ASPSCR1: variants seen among roughly 807,000 people sequenced by gnomAD.
ASPSCR1 encodes the protein ASPSCR1 tether for SLC2A4, UBX domain containing.
ASPSCR1 carries 55 observed loss-of-function variants against 68.9 expected under a neutral mutation model. That is an observed-to-expected ratio of 0.80 (90% confidence interval 0.64 to 1.00). ASPSCR1 has a LOEUF of 1.00. ASPSCR1 is among the 50% of genes least tolerant of loss of function. ASPSCR1 has a pLI of 0.00. For synonymous variants in ASPSCR1, 352 were observed against 332.6 expected (o/e 1.06, Z -0.63); for missense variants, 765 against 762.2 (o/e 1.00, Z -0.04).
At chr17:82,010,051 A>G in intron 9 of ASPSCR1, 2 of 337,574 alleles carry the variant, frequency 5.9e-6, no homozygotes, top group Non-Finnish European at 1.2e-5. Flanking sequence ...CTGGGATTTC[A>G]GGTACCCGCT....
At chr17:82,013,174 G>C (rs1025786766) in intron 12 of ASPSCR1, 3 of 152,222 alleles carry the variant, frequency 2.0e-5, no homozygotes, top group Non-Finnish European at 4.4e-5. Flanking sequence ...AGGCAGGGGA[G>C]GGGTGAGACA....
Position 81,986,462 on chromosome 17 carries a change from G to A in ASPSCR1, c.374+855G>A, listed in dbSNP as rs2041997311. Among the ~76,000 whole-genome samples the A allele has an allele frequency of 1.3e-5, 2 of 152,184 alleles. No individual in the cohort carries two copies. Among genetic ancestry groups the A allele is most frequent in the African/African-American group, 2.4e-5 (1 of 41,446 alleles). On this transcript the variant is annotated intron_variant, in intron 4 of 15. Transcript: ENST00000306739. The surrounding 1 kb of genome is among the most constrained non-coding windows in gnomAD (Gnocchi z 5.2). Reference sequence around the variant, plus strand: ...AAATAAATAAAAATAAGTAATTGATGTGTATCAGTTTCTGTCGGTTAATGG... The same window carrying A: ...AAATAAATAAAAATAAGTAATTGATATGTATCAGTTTCTGTCGGTTAATGG...
In ASPSCR1 at chr17:81,996,826, C is replaced by A; in HGVS notation, c.913C>A (p.Gln305Lys). 1 of 1,601,932 alleles carries A rather than the reference C, an allele frequency of 6.2e-7. No homozygotes were observed. Among genetic ancestry groups the A allele is most frequent in the Non-Finnish European group, 8.5e-7 (1 of 1,175,494 alleles). The change falls in exon 7 of 16, where the codon CAG becomes AAG. Residue 305 changes from glutamine (Q) to lysine (K), a missense_variant. By Grantham distance (53) the Gln-to-Lys change is moderately conservative. Coordinates refer to ENST00000306739, the MANE Select transcript of ASPSCR1 (RefSeq NM_024083.4). ...QEQERERDPQ[Q>K]EQERERPVDR... ...GCAGGAGCGGGAGCGGGATCCCCAG[C>A]AGGAGCAGGAGCGGGAGCGGGTAAA...
At chr17:81,979,137 C>A in intron 1 of ASPSCR1, 47 bp from the exon 2 acceptor site, 2 of 1,606,888 alleles carry the variant, frequency 1.2e-6, no homozygotes, top group Non-Finnish European at 1.7e-6. Flanking sequence ...CTGCGCCCGC[C>A]AGCCCTGCAC....
intron 12 of ASPSCR1, chr17:82,015,441 C>T (rs1241501858): frequency 4.8e-6 from 7 of 1,469,420 alleles, no homozygotes; most frequent in Non-Finnish European, 6.3e-6. Flanking sequence ...AGCCTACTTC[C>T]CTCTCCTGGT....
At chr17:82,012,069 C>G in intron 11 of ASPSCR1, 162 bp from the exon 12 acceptor site, 2 of 891,398 alleles carry the variant, frequency 2.2e-6, no homozygotes, top group South Asian at 2.8e-5. Flanking sequence ...GAGCCCTCAG[C>G]TGGAGTTTCT....
At chr17:82,011,440 C>A in intron 10 of ASPSCR1, 103 bp from the exon 11 acceptor site, 2 of 1,141,790 alleles carry the variant, frequency 1.8e-6, no homozygotes, top group Admixed American at 2.6e-5. Flanking sequence ...TCCCACCCCT[C>A]GGGGAAAGGC....
intron 12 of ASPSCR1, chr17:82,014,599 C>T (rs2043058717): frequency 5.8e-6 from 1 of 171,744 alleles, no homozygotes; most frequent in Admixed American, 5.4e-5. Flanking sequence ...CTCCCAGGCG[C>T]TGTGGTGCCG....
chr17:81,980,053 G>C (rs981873074), intron 2 of ASPSCR1, among the ~76,000 whole-genome samples: 2 of 152,166 alleles, frequency 1.3e-5, no homozygotes, highest in Non-Finnish European at 2.9e-5. Flanking sequence ...CACGGTCTTG[G>C]CTCACTGCAA....
chr17:81,987,624 G>A lies in ASPSCR1; in HGVS notation c.374+2017G>A, dbSNP rs1466069573. Among the ~76,000 whole-genome samples the A allele has an allele frequency of 6.6e-6, 1 of 152,264 alleles. No individual in the cohort carries two copies. Among genetic ancestry groups the A allele is most frequent in the African/African-American group, 2.4e-5 (1 of 41,558 alleles). ...GAGGGTGTCTGGAGAGGTGGGGCCG[G>A]CATTGTGGTAGCATAAGCCTCTTCA... is the stretch of plus-strand genomic sequence containing the variant. On this transcript the variant is annotated intron_variant, in intron 4 of 15. Coordinates refer to ENST00000306739, the MANE Select transcript of ASPSCR1 (RefSeq NM_024083.4). The surrounding 1 kb of genome is among the most constrained non-coding windows in gnomAD (Gnocchi z 5.6).
At position 82,016,888 on chromosome 17, in the gene ASPSCR1, G is replaced by A; in HGVS notation, c.1475+19G>A. ...TGGCCAGGTAAGTGCCGGTGGGTCT[G>A]GGGGCACCTCCCGTGGCGGCACTCA... On this transcript the variant is annotated intron_variant, in intron 14 of 15. Transcript: ENST00000306739. 6.2e-7 allele frequency: 1 copy of A among 1,609,842 alleles called. No individual in the cohort carries two copies. Among genetic ancestry groups the A allele is most frequent in the Non-Finnish European group, 8.5e-7 (1 of 1,177,884 alleles).
chr17:82,011,723 G>A, intron 11 of ASPSCR1, 118 bp downstream of exon 11: 1 of 1,158,284 alleles, frequency 8.6e-7, no homozygotes, highest in South Asian at 1.4e-5. Flanking sequence ...CAGCATCTGT[G>A]GCCTCCCGCC....
rs964467941 is a variant in ASPSCR1 at position 81,987,795 on chromosome 17, C to T, written c.374+2188C>T. Among the ~76,000 whole-genome samples, 2 of 151,720 alleles carry T rather than the reference C, an allele frequency of 1.3e-5. No homozygotes were observed. The highest frequency in any genetic ancestry group is 2.4e-5 in the African/African-American group (1 of 41,232). On this transcript the variant is annotated intron_variant, in intron 4 of 15. Coordinates refer to ENST00000306739, the MANE Select transcript of ASPSCR1 (RefSeq NM_024083.4). This position sits in a 1 kb window ranked among gnomAD's most constrained non-coding sequence, Gnocchi z 5.6. The stretch of plus-strand genomic sequence containing the variant: ...CGCTTTGGAGGAGGTTGCAGTGAGC[C>T]GAGATCGCACCATTGCACTCTAGCC...
In ASPSCR1 at chr17:81,983,480, G is replaced by GGGATGGCAGGGCGT. The variant is rs1555629588; in HGVS notation, c.159-67_159-66insAGGGCGTGGATGGC. 8.3e-7 allele frequency: 1 copy of GGGATGGCAGGGCGT among 1,210,892 alleles called. No homozygotes were observed. Among genetic ancestry groups the GGGATGGCAGGGCGT allele is most frequent in the African/African-American group, 1.6e-5 (1 of 63,474 alleles). 75.0% of individuals were successfully genotyped at this position (1,210,892 alleles called of 1,614,324 possible). A position where few individuals can be genotyped will look rare whatever the true frequency, so the allele number is the denominator to read the frequency against. On this transcript the variant is annotated intron_variant, in intron 2 of 15. Coordinates refer to ENST00000306739, the MANE Select transcript of ASPSCR1 (RefSeq NM_024083.4). The surrounding 1 kb of genome is among the most constrained non-coding windows in gnomAD (Gnocchi z 4.4). ...ATGGCGGGGCGTGGATGGTGGGACG[G>GGGATGGCAGGGCGT]GGATGGCGGGGCGTGGATGGCAGGG...
chr17:81,988,063 C>G (rs2042052276), intron 4 of ASPSCR1, among the ~76,000 whole-genome samples: 1 of 145,254 alleles, frequency 6.9e-6, no homozygotes, highest in Admixed American at 7.0e-5. Context: ...GAGGCTGAGG[C>G]AGAAGAATTG....
Position 81,977,924 on chromosome 17 carries a change from C to T in ASPSCR1, c.102+176C>T, listed in dbSNP as rs2041661078. The T allele has an allele frequency of 5.7e-6, 2 of 351,970 alleles. No homozygotes were observed. The highest frequency in any genetic ancestry group is 9.9e-5 in the East Asian group (2 of 20,236). 21.8% of individuals were successfully genotyped at this position (351,970 alleles called of 1,614,324 possible). A position where few individuals can be genotyped will look rare whatever the true frequency, so the allele number is the denominator to read the frequency against. ...CGTCACCTGCGCTTCCGCTGGGGTC[C>T]CGGGGGTCCCGGGGGTCCCGAGTGG... On this transcript the variant is annotated intron_variant, in intron 1 of 15. Coordinates refer to ENST00000306739, the MANE Select transcript of ASPSCR1 (RefSeq NM_024083.4). The surrounding 1 kb of genome is among the most constrained non-coding windows in gnomAD (Gnocchi z 5.0).
chr17:82,004,762 C>T (rs949631944), intron 7 of ASPSCR1: 2 of 152,314 alleles, frequency 1.3e-5, no homozygotes, highest in African/African-American at 4.8e-5. Context: ...TGACTCTGCC[C>T]AGCAAGAGGG....
intron 4 of ASPSCR1, among the ~76,000 whole-genome samples, chr17:81,989,821 T>C (rs2042104266): frequency 6.6e-6 from 1 of 152,232 alleles, no homozygotes; most frequent in Admixed American, 6.5e-5. Context: ...CATTTTCTTT[T>C]CTTTCACCCA....
chr17:82,012,329 G>A, intron 12 of ASPSCR1, 46 bp downstream of exon 12: 2 of 1,585,004 alleles, frequency 1.3e-6, no homozygotes, highest in Non-Finnish European at 1.7e-6. Flanking sequence ...GGCCCTCCAG[G>A]GAGGGCAGGA....
Sources: gnomAD v4.1 joint callset for allele counts (sites outside exome capture counted in the v4.1 genomes callset) on GRCh38, gnomAD v4.1.1 for gene constraint, Gnocchi (gnomAD v3.1) non-coding constraint, MANE v1.5 for transcripts, NCBI Gene and HGNC (gene_info 2026-07-23, HGNC 2026-07-21) for gene names.